FAT3: variants seen among roughly 807,000 people sequenced by gnomAD.
The protein encoded by FAT3 is protocadherin Fat 3.
A neutral mutation model predicts 310.2 loss-of-function variants in FAT3; 95 were observed. The ratio of observed to expected loss-of-function variants is 0.31; its 90% CI spans 0.26 to 0.36. FAT3 has a LOEUF of 0.36. Among genes scored for constraint, FAT3 ranks in the 10% least tolerant of loss-of-function variants. FAT3 has a pLI of 1.00. For synonymous variants in FAT3, 2,314 were observed against 2,192.9 expected, an observed-to-expected ratio of 1.06 and a Z score of -1.54; for missense variants, 5,408 against 5,715.6, an observed-to-expected ratio of 0.95 and a Z score of 1.74.
At chr11:92,369,117 T>G (rs922377296) in intron 2 of FAT3, among the ~76,000 whole-genome samples, 4 of 152,040 alleles carry the variant, frequency 2.6e-5, no homozygotes, top group African/African-American at 9.7e-5. Context: ...TAAAATGTAA[T>G]CAAGGGGAAA....
At chr11:92,431,134 A>T (rs2135025626) in intron 2 of FAT3, among the ~76,000 whole-genome samples, 1 of 152,268 alleles carries the variant, frequency 6.6e-6, no homozygotes, top group South Asian at 2.1e-4. Flanking sequence ...CCAACAGTGT[A>T]AAAGTGTTCC....
chr11:92,443,375 A>G (rs1334194037), intron 2 of FAT3, among the ~76,000 whole-genome samples: 1 of 152,230 alleles, frequency 6.6e-6, no homozygotes, highest in Admixed American at 6.5e-5. Context: ...CATTCCTGGC[A>G]TATGGGTTTT....
At chr11:92,398,051 AC>A (rs1949917982) in intron 2 of FAT3, among the ~76,000 whole-genome samples, 1 of 151,828 alleles carries the variant, frequency 6.6e-6, no homozygotes, top group Admixed American at 6.6e-5. Context: ...AGAGGGCCAC[AC>A]CCTCTCTGAC....
chr11:92,298,726 T>G (rs1000401281), intron 1 of FAT3, among the ~76,000 whole-genome samples: 1 of 152,124 alleles, frequency 6.6e-6, no homozygotes, highest in Non-Finnish European at 1.5e-5. Context: ...CCAGGCAACC[T>G]GTTCAGCCTA....
Position 92,843,973 on chromosome 11 carries a change from T to G in FAT3, c.10606T>G (p.Tyr3536Asp), listed in dbSNP as rs780267732. ...CAAACCCCAGCAAGTTTCTCACACTTACATCCGCGTGCGAGTCATTGAGGA... is the reference window on the plus strand; with the variant it reads ...CAAACCCCAGCAAGTTTCTCACACTGACATCCGCGTGCGAGTCATTGAGGA... Reference protein sequence around the residue: ...SGKPQQVSHTYIRVRVIEEST... With the variant: ...SGKPQQVSHTDIRVRVIEEST... Residue 3536 changes from tyrosine to aspartate, a missense_variant, in exon 19 of 28, where the codon TAC (tyrosine) becomes GAC (aspartate). Tyr to Asp is a radical substitution (Grantham distance 160). This residue lies in a region of FAT3 where 4,588 missense variants were observed against 4,809.8 expected (regional missense o/e 0.95). Coordinates refer to ENST00000525166, the MANE Select transcript of FAT3 (RefSeq NM_001367949.2). The G allele has an allele frequency of 2.5e-6, 4 of 1,612,734 alleles. No individual in the cohort carries two copies. The Admixed American group carries it at 6.7e-5, about 27-fold the overall frequency.
At chr11:92,349,277 C>T (rs1591148090) in intron 1 of FAT3, among the ~76,000 whole-genome samples, 1 of 152,160 alleles carries the variant, frequency 6.6e-6, no homozygotes, top group African/African-American at 2.4e-5. Flanking sequence ...CATTCCCTTA[C>T]GAGAGACTCG....
rs192761799 is a variant in FAT3 at position 92,841,992 on chromosome 11, G to A, written c.10566+1233G>A. On this transcript the variant is annotated intron_variant, in intron 18 of 27. Transcript: ENST00000525166. ...CTTAGTCAGGGACCAGCAAACTACA[G>A]CCCTTAGACCAAATCCTGCCCTCAG... Among the ~76,000 whole-genome samples the A allele has an allele frequency of 5.9e-5, 9 of 152,170 alleles. No homozygotes were observed. In the East Asian group the frequency reaches 1.7e-3, roughly 29 times the overall value.
chr11:92,720,207 G>C (rs1944822014), intron 4 of FAT3, among the ~76,000 whole-genome samples: 1 of 152,118 alleles, frequency 6.6e-6, no homozygotes, highest in African/African-American at 2.4e-5. Context: ...CCTTAACATA[G>C]TGCCTAACCC....
Position 92,306,735 on chromosome 11 carries a change from TTATATATAAA to T in FAT3, c.-17-45342_-17-45333del, listed in dbSNP as rs1555006540. Among the ~76,000 whole-genome samples, 251 of 123,098 alleles carry T rather than the reference TTATATATAAA, an allele frequency of 2.0e-3. 1 individual carries two copies. Among genetic ancestry groups the T allele is most frequent in the African/African-American group, 5.8e-3 (190 of 32,570 alleles). The allele number at this position is 123,098 out of a possible 152,430, so 80.8% of individuals were successfully genotyped here. On this transcript the variant is annotated intron_variant, in intron 1 of 27. Coordinates refer to ENST00000525166, the MANE Select transcript of FAT3 (RefSeq NM_001367949.2). ...ATATATTTATATATTATATATATATTTATATATAAATATATATAAATATATATATAAATAA... is the reference window on the plus strand; with the variant it reads ...ATATATTTATATATTATATATATATTTATATATAAATATATATATAAATAA...
At chr11:92,361,792 T>C (rs1217303893) in intron 2 of FAT3, among the ~76,000 whole-genome samples, 1 of 152,202 alleles carries the variant, frequency 6.6e-6, no homozygotes, top group African/African-American at 2.4e-5. Flanking sequence ...GCTCTCACAA[T>C]TGTCTTCATA....
intron 3 of FAT3, among the ~76,000 whole-genome samples, chr11:92,672,220 T>G (rs963543438): frequency 2.6e-5 from 4 of 152,188 alleles, no homozygotes; most frequent in Admixed American, 2.6e-4. Flanking sequence ...GTAGGTACCT[T>G]CTCATCCCCA....
At chr11:92,686,628 T>A (rs542663511) in intron 3 of FAT3, among the ~76,000 whole-genome samples, 4 of 151,968 alleles carry the variant, frequency 2.6e-5, no homozygotes, top group South Asian at 4.2e-4. Flanking sequence ...TGGGTTTTTT[T>A]AAAAAAAAGC....
intron 1 of FAT3, among the ~76,000 whole-genome samples, chr11:92,308,984 T>C (rs1228300530): frequency 6.6e-6 from 1 of 152,100 alleles, no homozygotes; most frequent in African/African-American, 2.4e-5. Context: ...TCTGGAATTC[T>C]ACGCCCCCGG....
At chr11:92,338,709 C>T (rs758779970) in intron 1 of FAT3, among the ~76,000 whole-genome samples, 22 of 152,178 alleles carry the variant, frequency 1.4e-4, no homozygotes, top group African/African-American at 3.6e-4. Flanking sequence ...GAGTGAGATA[C>T]GAGTCAGGTT....
chr11:92,886,104 G>A (rs1949791372), intron 24 of FAT3, among the ~76,000 whole-genome samples: 2 of 152,118 alleles, frequency 1.3e-5, no homozygotes, highest in South Asian at 4.1e-4. Context: ...CTCACTCCTT[G>A]CTGATGTGAC....
intron 3 of FAT3, among the ~76,000 whole-genome samples, chr11:92,556,292 T>G (rs1486105412): frequency 6.6e-6 from 1 of 152,208 alleles, no homozygotes; most frequent in Non-Finnish European, 1.5e-5. Flanking sequence ...ACCAGACTCC[T>G]GGATGTTTTC....
At chr11:92,531,576 C>T (rs1954073662) in intron 3 of FAT3, among the ~76,000 whole-genome samples, 1 of 152,096 alleles carries the variant, frequency 6.6e-6, no homozygotes, top group Admixed American at 6.5e-5. Context: ...ACAGTTCATT[C>T]TGGGGGAATA....
rs1948516667 is a variant in FAT3, at chr11:92,840,690, T to C, written c.10497T>C (p.Pro3499=). 6.2e-7 allele frequency: 1 copy of C among 1,611,486 alleles called. No homozygotes were observed. The highest frequency in any genetic ancestry group is 8.5e-7 in the Non-Finnish European group (1 of 1,177,808). The part of the protein sequence containing the change: ...GNEEEEFVLD[P]HGILRSAVVF... ...AAGAGGAGGAGTTTGTGTTGGACCC[T>C]CATGGGATCTTGCGGTCGGCTGTGG... Residue 3499 remains proline, a synonymous_variant, in exon 18 of 28, where the codon CCT becomes CCC. Transcript: ENST00000525166.
At chr11:92,631,182 T>G (rs575576067) in intron 3 of FAT3, among the ~76,000 whole-genome samples, 2 of 152,334 alleles carry the variant, frequency 1.3e-5, no homozygotes, top group South Asian at 4.1e-4. Flanking sequence ...GCTATAAATT[T>G]GAACTTTACA....
Sources: allele counts gnomAD v4.1 joint callset (sites outside exome capture counted in the v4.1 genomes callset), GRCh38; gene constraint gnomAD v4.1.1; regional missense constraint gnomAD v4.1.1; transcripts MANE v1.5; gene names NCBI Gene and HGNC (gene_info 2026-07-23, HGNC 2026-07-21).